Variants in STAMBP observed in about 807,000 individuals in gnomAD.
STAMBP encodes STAM-binding protein.
STAMBP carries 31 observed loss-of-function variants against 50.7 expected under a neutral mutation model. That is an observed-to-expected ratio of 0.61 (90% CI 0.46 to 0.83). STAMBP has a LOEUF of 0.83. Ranked by LOEUF, STAMBP falls within the 40% of genes least tolerant of loss-of-function variation. The pLI is 0.00. For missense variants in STAMBP, 472 were observed against 518.9 expected, an observed-to-expected ratio of 0.91 and a Z score of 0.88; for synonymous variants, 211 against 192.4, an observed-to-expected ratio of 1.10 and a Z score of -0.80.
At position 73,843,406 on chromosome 2, in the gene STAMBP, G is replaced by GTATATATATATATATA. The variant is rs773798563; in HGVS notation, c.204-1394_204-1393insATATATATATATATAT. 1.8e-3 allele frequency among the ~76,000 whole-genome samples: 234 copies of GTATATATATATATATA among 129,844 alleles called. 6 individuals carry two copies. Among genetic ancestry groups the GTATATATATATATATA allele is most frequent in the African/African-American group, 7.1e-3 (213 of 29,902 alleles). 85.2% of individuals were successfully genotyped at this position (129,844 alleles called of 152,430 possible). ...TGTTTTGTTATATATGTTTGTGTAT[G>GTATATATATATATATA]TATATATATATATGTATATATATAT... On this transcript the variant is annotated intron_variant, in intron 2 of 9. Transcript: ENST00000394070.
intron 2 of STAMBP, among the ~76,000 whole-genome samples, chr2:73,834,595 A>G (rs1197432912): frequency 6.6e-6 from 1 of 152,074 alleles, no homozygotes; most frequent in African/African-American, 2.4e-5. Context: ...TGGCAGAAGT[A>G]AATCCGTGTA....
intron 7 of STAMBP, among the ~76,000 whole-genome samples, chr2:73,858,488 G>GT (rs936951129): frequency 5.3e-5 from 8 of 152,088 alleles, no homozygotes; most frequent in Non-Finnish European, 1.0e-4. Context: ...TAGTCTATAT[G>GT]TTTTGAAATA....
At chr2:73,832,108 T>TATATATATACACACAC (rs1006072205) in intron 2 of STAMBP, among the ~76,000 whole-genome samples, 2 of 122,896 alleles carry the variant, frequency 1.6e-5, no homozygotes, top group African/African-American at 7.0e-5. Flanking sequence ...TATATATATA[T>TATATATATACACACAC]ACACATATAT....
chr2:73,867,378 C>T (rs1217515926), downstream of STAMBP, among the ~76,000 whole-genome samples: 2 of 151,838 alleles, frequency 1.3e-5, no homozygotes, highest in South Asian at 2.1e-4. Flanking sequence ...AACCCTGTCT[C>T]TACTAAAAAT....
intron 2 of STAMBP, among the ~76,000 whole-genome samples, chr2:73,840,522 T>C (rs1675257010): frequency 6.6e-6 from 1 of 151,918 alleles, no homozygotes. Context: ...CGCGGGCAGA[T>C]CACCTGAGGT....
rs1675939489 is a variant in STAMBP, at chr2:73,845,409, C to G, written c.375+147C>G. The G allele has an allele frequency of 6.4e-6, 4 of 624,754 alleles. No individual in the cohort carries two copies. In the South Asian group the frequency reaches 8.3e-5, roughly 13 times the overall value. 38.7% of individuals were successfully genotyped at this position (624,754 alleles called of 1,614,324 possible). On this transcript the variant is annotated intron_variant, in intron 4 of 9. Coordinates refer to ENST00000394070, the MANE Select transcript of STAMBP (RefSeq NM_213622.4). Reference sequence around the variant, plus strand: ...AGACCAGAAACTCAAAAAAGTAGAACACCAGTGGTTAGGCTCAGGGTTGTA... The same window carrying G: ...AGACCAGAAACTCAAAAAAGTAGAAGACCAGTGGTTAGGCTCAGGGTTGTA...
intron 5 of STAMBP, among the ~76,000 whole-genome samples, chr2:73,848,077 T>C (rs1676359566): frequency 6.6e-6 from 1 of 152,218 alleles, no homozygotes; most frequent in South Asian, 2.1e-4. Flanking sequence ...TGTGTGACTC[T>C]GTGTCCCCTG....
intron 4 of STAMBP, among the ~76,000 whole-genome samples, chr2:73,846,166 G>A (rs1219704000): frequency 1.3e-5 from 2 of 152,008 alleles, no homozygotes; most frequent in East Asian, 1.9e-4. Context: ...TTAAGGAGGA[G>A]GTTATTACTT....
chr2:73,844,958 G>A (rs1401212384), intron 3 of STAMBP, 70 bp downstream of exon 3: 2 of 1,571,572 alleles, frequency 1.3e-6, no homozygotes, highest in Non-Finnish European at 1.7e-6. Context: ...CAAGATAAAA[G>A]TAGTAGTCTC....
chr2:73,847,988 C>CAG (rs1676347206), intron 5 of STAMBP, among the ~76,000 whole-genome samples: 2 of 152,190 alleles, frequency 1.3e-5, no homozygotes, highest in Admixed American at 6.5e-5. Flanking sequence ...TCTTGAAAGT[C>CAG]AGACTGTCAA....
intron 2 of STAMBP, among the ~76,000 whole-genome samples, chr2:73,836,308 G>A (rs1674708128): frequency 6.6e-6 from 1 of 152,198 alleles, no homozygotes. Flanking sequence ...GAGGTGAGGC[G>A]ATTGCCGAGG....
intron 2 of STAMBP, among the ~76,000 whole-genome samples, chr2:73,840,603 G>A (rs959580576): frequency 1.3e-5 from 2 of 151,756 alleles, no homozygotes; most frequent in African/African-American, 4.8e-5. Flanking sequence ...AATTAGCTGG[G>A]CGTGGTAGCA....
intron 9 of STAMBP, chr2:73,860,463 C>A: frequency 1.5e-6 from 1 of 647,854 alleles, no homozygotes; most frequent in Non-Finnish European, 2.0e-6. Context: ...AAGTAATGTG[C>A]AGGAAGTACG....
rs11890343 is a variant in STAMBP at position 73,829,393 on chromosome 2, C to G, written c.-130C>G. On this transcript the variant is annotated 5_prime_UTR_variant, in exon 1 of 10. Coordinates refer to ENST00000394070, the MANE Select transcript of STAMBP (RefSeq NM_213622.4). ...CTCGGTCCTTTACGCCGCCTTTCCC[C>G]CTCATTTGCAGATGCTGCATCCCCT... 0.056 allele frequency: 8,496 copies of G among 152,608 alleles called. 263 individuals are homozygous for G. Among genetic ancestry groups the G allele is most frequent in the African/African-American group, 0.077 (3,196 of 41,536 alleles). The allele number at this position is 152,608 out of a possible 1,614,324, so 9.5% of individuals were successfully genotyped here. A position where few individuals can be genotyped will look rare whatever the true frequency, so the allele number is the denominator to read the frequency against.
At chr2:73,836,161 A>G (rs1276331995) in intron 2 of STAMBP, among the ~76,000 whole-genome samples, 1 of 152,268 alleles carries the variant, frequency 6.6e-6, no homozygotes, top group African/African-American at 2.4e-5. Context: ...GCACTGTGGT[A>G]TGTACACATC....
rs1676686660 is a variant in STAMBP, at chr2:73,850,556, C to T, written c.1005+43C>T. 6.3e-7 allele frequency: 1 copy of T among 1,582,324 alleles called. No individual in the cohort carries two copies. Among genetic ancestry groups the T allele is most frequent in the East Asian group, 2.3e-5 (1 of 44,088 alleles). On this transcript the variant is annotated intron_variant, in intron 7 of 9. Coordinates refer to ENST00000394070, the MANE Select transcript of STAMBP (RefSeq NM_213622.4). The surrounding 1 kb of genome is among the most constrained non-coding windows in gnomAD (Gnocchi z 4.3). ...GTCCGAGAGTTAGTCTCTGCCTCTC[C>T]CATGGTGGTATAAATACATGAGTGT...
rs772377610 is a variant in STAMBP at position 73,862,265 on chromosome 2, T to C, written c.*6T>C. On this transcript the variant is annotated 3_prime_UTR_variant, in exon 10 of 10. Transcript: ENST00000394070. Reference sequence around the variant, plus strand: ...CCATCACAGACCTTCGATGAGCGTTTGAGTCCAACACCTTCCAAGAACAAC... The same window carrying C: ...CCATCACAGACCTTCGATGAGCGTTCGAGTCCAACACCTTCCAAGAACAAC... 1 of 1,610,714 alleles carries C rather than the reference T, an allele frequency of 6.2e-7. No individual in the cohort carries two copies. The highest frequency in any genetic ancestry group is 1.1e-5 in the South Asian group (1 of 90,506).
rs1158193327 is a variant in STAMBP, at chr2:73,840,312, TG to T, written c.204-4500del. Among the ~76,000 whole-genome samples, 137 of 137,782 alleles carry T rather than the reference TG, an allele frequency of 9.9e-4. 1 individual carries two copies. Among genetic ancestry groups the T allele is most frequent in the African/African-American group, 3.6e-3 (127 of 34,822 alleles). The allele number at this position is 137,782 out of a possible 152,430, so 90.4% of individuals were successfully genotyped here. ...CCCTATTGATGGACATTTAGGGGTT[TG>T]TTTTTTTTTTTTTTTTCAGTTTTTT... On this transcript the variant is annotated intron_variant, in intron 2 of 9. Transcript: ENST00000394070.
In STAMBP at chr2:73,849,503, A is replaced by T. The variant is rs372261700; in HGVS notation, c.867+16A>T. On this transcript the variant is annotated intron_variant, in intron 6 of 9. Coordinates refer to ENST00000394070, the MANE Select transcript of STAMBP (RefSeq NM_213622.4). ...TGGAAAACTGGTAAAAAGAAAAAAA[A>T]AACCAAACTCTTCTCTGAACCGAAA... 2.9e-5 allele frequency: 46 copies of T among 1,576,740 alleles called. No individual in the cohort carries two copies. The African/African-American group carries it at 5.3e-4, about 18-fold the overall frequency.
Sources: gnomAD v4.1 joint callset for allele counts (sites outside exome capture counted in the v4.1 genomes callset) on GRCh38, gnomAD v4.1.1 for gene constraint, Gnocchi (gnomAD v3.1) non-coding constraint, MANE v1.5 for transcripts, NCBI Gene and HGNC (gene_info 2026-07-23, HGNC 2026-07-21) for gene names.